The following FAT1 variants were observed in gnomAD, a reference collection of about 807,000 sequenced individuals.
FAT1 encodes protocadherin Fat 1.
Under a neutral mutation model 329.8 loss-of-function variants are expected in FAT1, and 171 were observed. The ratio of observed to expected loss-of-function variants is 0.52; its 90% confidence interval spans 0.46 to 0.59. The LOEUF (loss-of-function observed/expected upper bound fraction) is 0.59. FAT1 is among the 20% of genes least tolerant of loss of function. FAT1 has a pLI of 0.00. For synonymous variants in FAT1, 2,233 were observed against 2,228.6 expected (o/e 1.00, Z -0.06); for missense variants, 5,672 against 5,774.4 (o/e 0.98, Z 0.57).
At chr4:186,704,717 T>C (rs75133188) in intron 2 of FAT1, among the ~76,000 whole-genome samples, 1 of 152,194 alleles carries the variant, frequency 6.6e-6, no homozygotes, top group Non-Finnish European at 1.5e-5. Context: ...TAACTTATAC[T>C]GGACAGATAA....
chr4:186,659,051 T>G (rs569748883), intron 3 of FAT1, among the ~76,000 whole-genome samples: 34 of 152,364 alleles, frequency 2.2e-4, no homozygotes, highest in Non-Finnish European at 4.4e-5. Flanking sequence ...CGACCGTGGT[T>G]GTGAAAGATT....
At chr4:186,655,509 G>C (rs971740480) in intron 3 of FAT1, among the ~76,000 whole-genome samples, 1 of 151,332 alleles carries the variant, frequency 6.6e-6, no homozygotes, top group African/African-American at 2.4e-5. Flanking sequence ...ATCTCGGCTC[G>C]CTGCAACCTC....
At chr4:186,721,408 A>G (rs528388161) in intron 1 of FAT1, among the ~76,000 whole-genome samples, 16 of 152,266 alleles carry the variant, frequency 1.1e-4, no homozygotes, top group Admixed American at 2.0e-4. Flanking sequence ...CTAAGGATAA[A>G]TAAGCACTTG....
chr4:186,650,517 C>T (rs1253942177), intron 3 of FAT1, among the ~76,000 whole-genome samples: 2 of 152,136 alleles, frequency 1.3e-5, no homozygotes, highest in African/African-American at 4.8e-5. Flanking sequence ...TTCACTTCAC[C>T]AGCAACATGG....
At chr4:186,631,535 G>A (rs1227433084) in intron 7 of FAT1, among the ~76,000 whole-genome samples, 3 of 150,704 alleles carry the variant, frequency 2.0e-5, no homozygotes, top group Admixed American at 1.3e-4. Flanking sequence ...ATCAATCCCC[G>A]CGGTATGCTA....
intron 26 of FAT1, chr4:186,590,767 A>C (rs1257192099): frequency 7.0e-6 from 3 of 428,322 alleles, no homozygotes; most frequent in Middle Eastern, 3.5e-4. Flanking sequence ...TAAACTGATC[A>C]GATTACATAG....
At chr4:186,592,604 T>G (rs1490257763) in intron 26 of FAT1, 2 of 440,916 alleles carry the variant, frequency 4.5e-6, no homozygotes, top group Non-Finnish European at 9.1e-6. Flanking sequence ...CAAACTGTTT[T>G]TTCCTACCAT....
chr4:186,608,783 G>A (rs183062022), intron 16 of FAT1, among the ~76,000 whole-genome samples: 5 of 152,196 alleles, frequency 3.3e-5, no homozygotes, highest in East Asian at 1.9e-4. Context: ...ATACAACTGG[G>A]TAAAGTCCCC....
In FAT1 at chr4:186,636,737, C is replaced by G. The variant is rs200242253; in HGVS notation, c.3820G>C (p.Val1274Leu). ...CCCTCATCCTTGTCGGTGGCTATGA[C>G]GTGATAGAGCGGCTCCCGTCTGGCA... The part of the protein sequence containing the change: ...RNARREPLYH[V>L]IATDKDEGPN... The change falls in exon 5 of 27, where the codon GTC becomes CTC. Residue 1274 changes from valine to leucine, a missense_variant. Coordinates refer to ENST00000441802, the MANE Select transcript of FAT1 (RefSeq NM_005245.4). 1.2e-6 allele frequency: 2 copies of G among 1,613,746 alleles called. No homozygotes were observed.
chr4:186,680,812 C>T (rs754904673), intron 2 of FAT1, among the ~76,000 whole-genome samples: 41 of 152,170 alleles, frequency 2.7e-4, no homozygotes, highest in Admixed American at 1.3e-3. Context: ...TCTCAGTCTA[C>T]GTTCGAGAGT....
intron 2 of FAT1, among the ~76,000 whole-genome samples, chr4:186,674,920 G>A (rs1466193286): frequency 1.3e-5 from 2 of 152,084 alleles, no homozygotes; most frequent in African/African-American, 4.8e-5. Context: ...TGTAGTCCCA[G>A]CTACTTGGGT....
In FAT1 at chr4:186,636,724, T is replaced by A. The variant is rs1301522147; in HGVS notation, c.3833A>T (p.Asp1278Val). The change falls in exon 5 of 27, where the codon GAC becomes GTC. Residue 1278 changes from aspartate to valine, a missense_variant. By Grantham distance (152) the Asp-to-Val change is radical. Transcript: ENST00000441802. ...TTCTGCATTGGGGCCCTCATCCTTG[T>A]CGGTGGCTATGACGTGATAGAGCGG... ...REPLYHVIAT[D>V]KDEGPNAEIS... 6.2e-7 allele frequency: 1 copy of A among 1,613,914 alleles called. No homozygotes were observed. The highest frequency in any genetic ancestry group is 8.5e-7 in the Non-Finnish European group (1 of 1,179,872).
intron 3 of FAT1, among the ~76,000 whole-genome samples, chr4:186,655,690 C>T (rs1012794585): frequency 1.1e-4 from 16 of 152,156 alleles, no homozygotes; most frequent in African/African-American, 3.6e-4. Flanking sequence ...GCCTCAGCCT[C>T]CCGAAGTGCT....
chr4:186,686,245 C>A (rs370031078), intron 2 of FAT1, among the ~76,000 whole-genome samples: 1 of 146,912 alleles, frequency 6.8e-6, no homozygotes, highest in African/African-American at 2.5e-5. Flanking sequence ...TTCACCCCCC[C>A]CCGACATTCT....
chr4:186,668,561 C>T (rs1742574429), intron 2 of FAT1, among the ~76,000 whole-genome samples: 1 of 152,172 alleles, frequency 6.6e-6, no homozygotes, highest in Admixed American at 6.5e-5. Context: ...CCAAACCATT[C>T]TTTAAGGGAG....
At chr4:186,678,609 T>TTA (rs1016396544) in intron 2 of FAT1, among the ~76,000 whole-genome samples, 1 of 148,724 alleles carries the variant, frequency 6.7e-6, no homozygotes, top group Admixed American at 6.7e-5. Flanking sequence ...ATATTATGTA[T>TTA]TATATATGTT....
At chr4:186,624,263 G>A (rs1444865761) in intron 9 of FAT1, among the ~76,000 whole-genome samples, 1 of 150,782 alleles carries the variant, frequency 6.6e-6, no homozygotes, top group African/African-American at 2.4e-5. Flanking sequence ...CAATTATCTA[G>A]ACAAACAGGC....
chr4:186,652,734 G>T (rs999818554), intron 3 of FAT1, among the ~76,000 whole-genome samples: 5 of 152,074 alleles, frequency 3.3e-5, no homozygotes, highest in Non-Finnish European at 7.4e-5. Flanking sequence ...GAAGTTGTTT[G>T]CAGCTTTAGC....
intron 2 of FAT1, among the ~76,000 whole-genome samples, chr4:186,670,282 T>A (rs1289600797): frequency 1.3e-5 from 2 of 152,358 alleles, no homozygotes; most frequent in Non-Finnish European, 2.9e-5. Flanking sequence ...TTTAAACTTT[T>A]CATACAACTG....
Sources: allele counts gnomAD v4.1 joint callset (sites outside exome capture counted in the v4.1 genomes callset), GRCh38; gene constraint gnomAD v4.1.1; transcripts MANE v1.5; gene names NCBI Gene and HGNC (gene_info 2026-07-23, HGNC 2026-07-21).